DYNC1I1: variants seen among roughly 807,000 people sequenced by gnomAD.
DYNC1I1 encodes cytoplasmic dynein 1 intermediate chain 1.
Under a neutral mutation model 86.6 loss-of-function variants are expected in DYNC1I1, and 43 were observed. The ratio of observed to expected loss-of-function variants is 0.50; its 90% confidence interval spans 0.39 to 0.64. The LOEUF is 0.64. DYNC1I1 is among the 30% of genes least tolerant of loss of function. DYNC1I1 has a pLI of 0.00. For missense variants in DYNC1I1, 604 were observed against 788.8 expected (o/e 0.77, Z 2.81); for synonymous variants, 262 against 283.7 (o/e 0.92, Z 0.77).
At chr7:96,032,020 A>G (rs1376037741) in intron 11 of DYNC1I1, among the ~76,000 whole-genome samples, 1 of 152,176 alleles carries the variant, frequency 6.6e-6, no homozygotes, top group Non-Finnish European at 1.5e-5. Flanking sequence ...CTAAGCCTCT[A>G]TACTACTGCA....
At chr7:95,954,663 C>G (rs1792656632) in intron 6 of DYNC1I1, among the ~76,000 whole-genome samples, 2 of 152,016 alleles carry the variant, frequency 1.3e-5, no homozygotes, top group South Asian at 4.2e-4. Flanking sequence ...GCCTTAATCC[C>G]AGGACTTTGG....
intron 11 of DYNC1I1, among the ~76,000 whole-genome samples, chr7:96,032,336 G>A (rs754543107): frequency 2.0e-5 from 3 of 152,040 alleles, no homozygotes; most frequent in Non-Finnish European, 2.9e-5. Flanking sequence ...CAAACTATGC[G>A]GTGGAGACTT....
At chr7:95,944,943 C>T (rs1433611731) in intron 6 of DYNC1I1, among the ~76,000 whole-genome samples, 4 of 151,354 alleles carry the variant, frequency 2.6e-5, no homozygotes, top group Admixed American at 6.6e-5. Flanking sequence ...TTAATGGGTG[C>T]AGCACACCAG....
At chr7:96,041,681 T>A (rs1486382581) in intron 14 of DYNC1I1, among the ~76,000 whole-genome samples, 1 of 152,114 alleles carries the variant, frequency 6.6e-6, no homozygotes, top group African/African-American at 2.4e-5. Context: ...TATTATGGAG[T>A]GATCCCTAAG....
chr7:95,810,756 G>T (rs1483678718), intron 3 of DYNC1I1, among the ~76,000 whole-genome samples: 1 of 152,104 alleles, frequency 6.6e-6, no homozygotes, highest in African/African-American at 2.4e-5. Flanking sequence ...CTTCTCCACC[G>T]TGTTACTAGT....
At chr7:95,923,966 T>C (rs1791676527) in intron 6 of DYNC1I1, among the ~76,000 whole-genome samples, 1 of 152,150 alleles carries the variant, frequency 6.6e-6, no homozygotes, top group African/African-American at 2.4e-5. Context: ...GTTCTTCATA[T>C]TGGGCACCTC....
At chr7:95,943,640 T>TAACCAA (rs1461792173) in intron 6 of DYNC1I1, among the ~76,000 whole-genome samples, 1 of 144,390 alleles carries the variant, frequency 6.9e-6, no homozygotes, top group Non-Finnish European at 1.5e-5. Flanking sequence ...AAGGCTACAG[T>TAACCAA]AACCAAAACA....
chr7:96,073,568 T>C (rs1277101448), intron 14 of DYNC1I1, among the ~76,000 whole-genome samples: 1 of 152,250 alleles, frequency 6.6e-6, no homozygotes, highest in African/African-American at 2.4e-5. Context: ...TTTGCAATTG[T>C]GTTACGTGTT....
intron 6 of DYNC1I1, among the ~76,000 whole-genome samples, chr7:95,960,530 C>A (rs1792839134): frequency 6.6e-6 from 1 of 152,218 alleles, no homozygotes; most frequent in African/African-American, 2.4e-5. Context: ...CACCAGCCTT[C>A]TTTTTCTTGT....
chr7:95,889,979 C>T (rs1790693937), intron 6 of DYNC1I1, among the ~76,000 whole-genome samples: 1 of 152,156 alleles, frequency 6.6e-6, no homozygotes. Flanking sequence ...AAAGAGAATG[C>T]TTACACACTG....
intron 6 of DYNC1I1, among the ~76,000 whole-genome samples, chr7:95,971,329 T>C (rs1005828681): frequency 2.1e-4 from 32 of 152,324 alleles, no homozygotes; most frequent in African/African-American, 7.7e-4. Context: ...TATCTTCCAA[T>C]ATATTTTTTA....
chr7:95,855,415 G>C (rs767966121), intron 5 of DYNC1I1, among the ~76,000 whole-genome samples: 6 of 152,004 alleles, frequency 3.9e-5, no homozygotes, highest in Non-Finnish European at 8.8e-5. Flanking sequence ...GATTACTTTG[G>C]GTAGCTTTGT....
At chr7:95,831,136 T>C (rs1236005600) in intron 5 of DYNC1I1, among the ~76,000 whole-genome samples, 1 of 152,206 alleles carries the variant, frequency 6.6e-6, no homozygotes, top group Non-Finnish European at 1.5e-5. Flanking sequence ...TTATGGGGTA[T>C]ATAATTTATT....
intron 6 of DYNC1I1, among the ~76,000 whole-genome samples, chr7:95,941,679 G>T (rs1427466722): frequency 2.6e-5 from 4 of 152,168 alleles, no homozygotes; most frequent in Non-Finnish European, 4.4e-5. Context: ...GGGTGGGAGT[G>T]ACCCGATTTT....
intron 1 of DYNC1I1, among the ~76,000 whole-genome samples, chr7:95,773,183 A>C (rs1047437277): frequency 5.9e-5 from 9 of 152,208 alleles, no homozygotes; most frequent in African/African-American, 2.2e-4. Flanking sequence ...AAAGCTGCAG[A>C]GGGAGGGGAA....
chr7:95,792,231 G>C (rs185572702), intron 1 of DYNC1I1, among the ~76,000 whole-genome samples: 68 of 152,206 alleles, frequency 4.5e-4, no homozygotes, highest in Admixed American at 3.8e-3. Context: ...CTACGTGCAG[G>C]GTACTCTAAC....
intron 14 of DYNC1I1, among the ~76,000 whole-genome samples, chr7:96,074,158 AC>A (rs1448836330): frequency 1.3e-5 from 2 of 152,098 alleles, no homozygotes; most frequent in Non-Finnish European, 2.9e-5. Flanking sequence ...TTCAAATCAC[AC>A]CCTCTGTCAG....
intron 16 of DYNC1I1, among the ~76,000 whole-genome samples, chr7:96,090,128 A>T (rs971020556): frequency 6.6e-6 from 1 of 152,172 alleles, no homozygotes; most frequent in Non-Finnish European, 1.5e-5. Context: ...AGGGAAAAAA[A>T]TAAGGCGAAA....
chr7:95,929,109 G>A (rs543948414), intron 6 of DYNC1I1, among the ~76,000 whole-genome samples: 75 of 152,234 alleles, frequency 4.9e-4, no homozygotes, highest in Non-Finnish European at 7.9e-4. Context: ...TGTTTTAATT[G>A]TCCAGGCCCA....
Sources: allele counts gnomAD v4.1 joint callset (sites outside exome capture counted in the v4.1 genomes callset), GRCh38; gene constraint gnomAD v4.1.1; transcripts MANE v1.5; gene names NCBI Gene and HGNC (gene_info 2026-07-23, HGNC 2026-07-21).